Variants in ANKRD33B observed in about 807,000 individuals in gnomAD.
ANKRD33B encodes the protein ankyrin repeat domain 33B.
ANKRD33B carries 6 observed loss-of-function variants against 21.5 expected under a neutral mutation model. The observed-to-expected ratio is 0.28, with a 90% CI of 0.15 to 0.55. The LOEUF (loss-of-function observed/expected upper bound fraction) is 0.55, where lower values mean the gene tolerates loss of function less well. Ranked by LOEUF, ANKRD33B falls within the 20% of genes least tolerant of loss-of-function variation. The pLI is 0.94. For missense variants in ANKRD33B, 698 were observed against 747.2 expected, an observed-to-expected ratio of 0.93 and a Z score of 0.77; for synonymous variants, 347 against 342.4, an observed-to-expected ratio of 1.01 and a Z score of -0.15.
chr5:10,571,336 G>A (rs1203405346), intron 1 of ANKRD33B, among the ~76,000 whole-genome samples: 1 of 152,148 alleles, frequency 6.6e-6, no homozygotes, highest in African/African-American at 2.4e-5. Context: ...TGAGTAGCTG[G>A]GACTACAGGC....
rs79759369 is a variant in ANKRD33B at position 10,652,987 on chromosome 5, G to C, written c.*2874G>C. ...TACCTGGCCAGTGTTTGCAACTCGA[G>C]GGAAAATGACAGCTGCATGGGGGGA... On this transcript the variant is annotated 3_prime_UTR_variant, in exon 4 of 4. Coordinates refer to ENST00000296657, the MANE Select transcript of ANKRD33B (RefSeq NM_001164440.2). The surrounding 1 kb of genome is among the most constrained non-coding windows in gnomAD (Gnocchi z 4.1). 0.011 allele frequency: 2,037 copies of C among 179,766 alleles called. 38 individuals are homozygous for C. Among genetic ancestry groups the C allele is most frequent in the African/African-American group, 0.045 (1,916 of 42,298 alleles). 11.1% of individuals were successfully genotyped at this position (179,766 alleles called of 1,614,324 possible).
chr5:10,590,608 G>A (rs1376638490), intron 1 of ANKRD33B, among the ~76,000 whole-genome samples: 2 of 99,758 alleles, frequency 2.0e-5, no homozygotes, highest in Non-Finnish European at 4.2e-5. Context: ...GCGCGCGCGC[G>A]TGTGTGTGTG....
At chr5:10,642,154 G>A (rs1444831711) in intron 3 of ANKRD33B, among the ~76,000 whole-genome samples, 1 of 152,116 alleles carries the variant, frequency 6.6e-6, no homozygotes, top group Non-Finnish European at 1.5e-5. Flanking sequence ...TAATCGCTCC[G>A]TTTGACTGCC....
intron 1 of ANKRD33B, among the ~76,000 whole-genome samples, chr5:10,599,428 CATT>C (rs1332927693): frequency 3.3e-5 from 5 of 152,110 alleles, no homozygotes; most frequent in South Asian, 2.1e-4. Context: ...GTTGTGCAAA[CATT>C]ATCACTATTT....
chr5:10,630,884 A>AAAAAAG, intron 2 of ANKRD33B, among the ~76,000 whole-genome samples: 1 of 151,336 alleles, frequency 6.6e-6, no homozygotes, highest in African/African-American at 2.4e-5. Context: ...AAAAAAAAAA[A>AAAAAAG]AAGAAGAAGA....
At chr5:10,566,745 G>A (rs906838117) in intron 1 of ANKRD33B, among the ~76,000 whole-genome samples, 1 of 152,220 alleles carries the variant, frequency 6.6e-6, no homozygotes, top group African/African-American at 2.4e-5. Context: ...GGGGAGGGCC[G>A]TGGTATGGGA....
At chr5:10,571,760 G>A (rs1735198849) in intron 1 of ANKRD33B, among the ~76,000 whole-genome samples, 1 of 152,216 alleles carries the variant, frequency 6.6e-6, no homozygotes, top group African/African-American at 2.4e-5. Flanking sequence ...GTCTCCCAGA[G>A]ATGGTGGTTC....
At chr5:10,640,067 GACGTGGAGTTGCGTGGTA>G (rs1737004346) in intron 3 of ANKRD33B, among the ~76,000 whole-genome samples, 2 of 100,094 alleles carry the variant, frequency 2.0e-5, no homozygotes, top group East Asian at 2.9e-4. Flanking sequence ...GTTAGGCGGT[GACGTGGAGTTGCGTGGTA>G]ATGTTAGCGG....
intron 3 of ANKRD33B, among the ~76,000 whole-genome samples, chr5:10,643,819 CAAAAAAAA>C (rs374365829): frequency 3.3e-5 from 3 of 89,612 alleles, no homozygotes; most frequent in Admixed American, 2.5e-4. Flanking sequence ...GACTCTGTCT[CAAAAAAAA>C]AAAAAAAAAA....
intron 3 of ANKRD33B, among the ~76,000 whole-genome samples, 155 bp downstream of exon 3, chr5:10,638,323 A>C (rs529540098): frequency 6.6e-5 from 10 of 152,328 alleles, no homozygotes; most frequent in African/African-American, 2.4e-4. Context: ...TTCTGTAACT[A>C]TCTGAGGTTT....
intron 1 of ANKRD33B, among the ~76,000 whole-genome samples, chr5:10,591,194 G>GTTTTTTTTTTTTTTTTTTTTT (rs749837253): frequency 8.8e-6 from 1 of 113,456 alleles, no homozygotes; most frequent in African/African-American, 3.2e-5. Context: ...TTTTTTTAGT[G>GTTTTTTTTTTTTTTTTTTTTT]GTTTTTTTTT....
intron 1 of ANKRD33B, among the ~76,000 whole-genome samples, chr5:10,599,734 G>A (rs1444718623): frequency 6.6e-6 from 1 of 152,058 alleles, no homozygotes; most frequent in Non-Finnish European, 1.5e-5. Context: ...CCATTTATCT[G>A]TTGATGGACA....
chr5:10,572,811 A>G (rs1322806360), intron 1 of ANKRD33B, among the ~76,000 whole-genome samples: 1 of 152,184 alleles, frequency 6.6e-6, no homozygotes, highest in East Asian at 1.9e-4. Context: ...CTCCCTGTCC[A>G]TGCCTCTCCC....
intron 2 of ANKRD33B, among the ~76,000 whole-genome samples, chr5:10,622,104 A>C (rs1467283390): frequency 6.6e-6 from 1 of 152,234 alleles, no homozygotes; most frequent in Admixed American, 6.5e-5. Context: ...CTGAGCTATA[A>C]CAGGAAGTAA....
At chr5:10,585,916 GT>G (rs1017406237) in intron 1 of ANKRD33B, among the ~76,000 whole-genome samples, 13 of 152,178 alleles carry the variant, frequency 8.5e-5, no homozygotes, top group African/African-American at 2.9e-4. Context: ...CCATCCCAGA[GT>G]TTTGGTGATG....
At chr5:10,622,571 C>CT (rs1736444071) in intron 2 of ANKRD33B, among the ~76,000 whole-genome samples, 1 of 152,080 alleles carries the variant, frequency 6.6e-6, no homozygotes, top group Non-Finnish European at 1.5e-5. Context: ...AGTCAGTGAC[C>CT]TATTGAATTT....
rs114047855 is a variant in ANKRD33B, at chr5:10,655,431, C to T, written c.*5318C>T. 1 of 152,426 alleles carries T rather than the reference C, an allele frequency of 6.6e-6. No individual in the cohort carries two copies. The highest frequency in any genetic ancestry group is 1.5e-5 in the Non-Finnish European group (1 of 68,074). 9.4% of individuals were successfully genotyped at this position (152,426 alleles called of 1,614,324 possible). ...CGCCTCCAAGAGCACTACACTCCCCCCAGCCCCACCGGCCACACTACATGA... is the reference window on the plus strand; with the variant it reads ...CGCCTCCAAGAGCACTACACTCCCCTCAGCCCCACCGGCCACACTACATGA... On this transcript the variant is annotated 3_prime_UTR_variant, in exon 4 of 4. Coordinates refer to ENST00000296657, the MANE Select transcript of ANKRD33B (RefSeq NM_001164440.2).
intron 1 of ANKRD33B, among the ~76,000 whole-genome samples, chr5:10,602,635 A>G (rs564895237): frequency 6.6e-6 from 1 of 152,320 alleles, no homozygotes; most frequent in African/African-American, 2.4e-5. Flanking sequence ...CCGGAGTGGG[A>G]ACCGCTTTGG....
At chr5:10,636,072 T>G (rs1736854236) in intron 2 of ANKRD33B, among the ~76,000 whole-genome samples, 1 of 152,186 alleles carries the variant, frequency 6.6e-6, no homozygotes, top group Non-Finnish European at 1.5e-5. Flanking sequence ...ATCCCAAATC[T>G]CAGGCAGTGC....
Sources: allele counts gnomAD v4.1 joint callset (sites outside exome capture counted in the v4.1 genomes callset), GRCh38; gene constraint gnomAD v4.1.1; non-coding constraint Gnocchi (gnomAD v3.1); transcripts MANE v1.5; gene names NCBI Gene and HGNC (gene_info 2026-07-23, HGNC 2026-07-21).